Variants in OSBPL8 observed in about 807,000 individuals in gnomAD.
OSBPL8 encodes oxysterol-binding protein-related protein 8.
In OSBPL8, 59 loss-of-function variants were observed where a neutral mutation model predicts 125.5. The observed-to-expected ratio is 0.47, with a 90% CI of 0.38 to 0.58. The LOEUF (loss-of-function observed/expected upper bound fraction) is 0.58, where lower values mean the gene tolerates loss of function less well. Among genes scored for constraint, OSBPL8 ranks in the 20% least tolerant of loss-of-function variants. The pLI, the probability that OSBPL8 is intolerant of heterozygous loss-of-function variation, is 0.00. For missense variants in OSBPL8, 758 were observed against 1,047.8 expected (o/e 0.72, Z 3.82); for synonymous variants, 330 against 338.9 (o/e 0.97, Z 0.29).
chr12:76,550,197 C>CT (rs1389669352), intron 1 of OSBPL8, among the ~76,000 whole-genome samples: 1 of 152,004 alleles, frequency 6.6e-6, no homozygotes, highest in African/African-American at 2.4e-5. Flanking sequence ...TATTCAAAAA[C>CT]TTTTTTAATT....
At chr12:76,480,572 G>A (rs1229124220) in intron 2 of OSBPL8, among the ~76,000 whole-genome samples, 1 of 152,178 alleles carries the variant, frequency 6.6e-6, no homozygotes, top group Non-Finnish European at 1.5e-5. Flanking sequence ...ATTTTAACAT[G>A]AGAAAATAAG....
intron 23 of OSBPL8, 150 bp from the exon 24 acceptor site, chr12:76,356,171 G>GC: frequency 9.7e-6 from 3 of 309,748 alleles, no homozygotes; most frequent in Non-Finnish European, 1.8e-5. Context: ...GTGGGGGGGG[G>GC]CGGGGTCTGG....
intron 1 of OSBPL8, among the ~76,000 whole-genome samples, chr12:76,557,546 C>G (rs1951142915): frequency 6.7e-6 from 1 of 149,122 alleles, no homozygotes; most frequent in African/African-American, 2.5e-5. Flanking sequence ...ACCCAGGTGG[C>G]AGAAGCTGCA....
chr12:76,455,522 C>G (rs192127515), intron 3 of OSBPL8, among the ~76,000 whole-genome samples: 1 of 152,208 alleles, frequency 6.6e-6, no homozygotes, highest in Non-Finnish European at 1.5e-5. Flanking sequence ...TAGCTCTATT[C>G]ACCCTTTCTA....
intron 1 of OSBPL8, among the ~76,000 whole-genome samples, chr12:76,524,041 G>A (rs2137280990): frequency 1.3e-5 from 2 of 152,166 alleles, no homozygotes; most frequent in East Asian, 3.9e-4. Context: ...CAGTATATAA[G>A]TACTATGAAT....
intron 21 of OSBPL8, among the ~76,000 whole-genome samples, chr12:76,368,545 G>C (rs1952505254): frequency 1.3e-5 from 2 of 151,998 alleles, no homozygotes; most frequent in South Asian, 4.2e-4. Flanking sequence ...ACTTGATGGT[G>C]TCCCATGGGT....
chr12:76,460,623 C>T (rs934263237), intron 2 of OSBPL8, among the ~76,000 whole-genome samples: 1 of 152,000 alleles, frequency 6.6e-6, no homozygotes, highest in Non-Finnish European at 1.5e-5. Context: ...AGTCAGAAGA[C>T]CCAACCCTTG....
intron 2 of OSBPL8, among the ~76,000 whole-genome samples, chr12:76,485,168 C>A (rs554138828): frequency 5.9e-5 from 9 of 152,160 alleles, no homozygotes; most frequent in South Asian, 4.2e-4. Context: ...GGTGATCCAC[C>A]CGCCTCAGCC....
chr12:76,458,130 T>A (rs1874283165), intron 3 of OSBPL8, among the ~76,000 whole-genome samples: 1 of 151,648 alleles, frequency 6.6e-6, no homozygotes, highest in Non-Finnish European at 1.5e-5. Context: ...ATAAAAAAAA[T>A]TTAGCTGGGC....
At chr12:76,408,143 TAAAAAAAAAA>T (rs376221340) in intron 5 of OSBPL8, among the ~76,000 whole-genome samples, 2 of 92,030 alleles carry the variant, frequency 2.2e-5, no homozygotes, top group East Asian at 2.9e-4. Flanking sequence ...CCTCATCTCT[TAAAAAAAAAA>T]AAAAAAAAAA....
chr12:76,525,593 G>C (rs1225012273), intron 1 of OSBPL8, among the ~76,000 whole-genome samples: 1 of 151,902 alleles, frequency 6.6e-6, no homozygotes, highest in Non-Finnish European at 1.5e-5. Context: ...TCAAATTGGG[G>C]GGAAAAAACT....
intron 1 of OSBPL8, among the ~76,000 whole-genome samples, chr12:76,493,214 A>G (rs757411416): frequency 1.2e-4 from 18 of 152,216 alleles, no homozygotes; most frequent in Non-Finnish European, 1.2e-4. Flanking sequence ...CCCCAATAAC[A>G]TAATGTGTGT....
chr12:76,413,248 C>T (rs190058543), intron 4 of OSBPL8, among the ~76,000 whole-genome samples: 1 of 152,290 alleles, frequency 6.6e-6, no homozygotes, highest in Admixed American at 6.5e-5. Flanking sequence ...AAGATTCCTC[C>T]TCAGTGCAAT....
At chr12:76,363,831 A>G (rs1362668381) in intron 21 of OSBPL8, among the ~76,000 whole-genome samples, 2 of 152,240 alleles carry the variant, frequency 1.3e-5, no homozygotes, top group African/African-American at 4.8e-5. Flanking sequence ...AACCCCATCA[A>G]AAAGTGGGCA....
chr12:76,383,884 C>T (rs1326427397), intron 15 of OSBPL8, among the ~76,000 whole-genome samples: 5 of 152,096 alleles, frequency 3.3e-5, no homozygotes, highest in Non-Finnish European at 7.4e-5. Context: ...GTATCGTAAC[C>T]ATACTTGGAT....
intron 2 of OSBPL8, among the ~76,000 whole-genome samples, chr12:76,480,113 G>A (rs1877298506): frequency 7.4e-6 from 1 of 135,398 alleles, no homozygotes; most frequent in African/African-American, 2.8e-5. Context: ...GTTGCAGTGA[G>A]CCGAGATCGC....
intron 2 of OSBPL8, among the ~76,000 whole-genome samples, chr12:76,462,328 C>CA (rs1874837942): frequency 6.6e-6 from 1 of 152,066 alleles, no homozygotes; most frequent in Non-Finnish European, 1.5e-5. Flanking sequence ...ATATTTGCTC[C>CA]AAAAATGTCC....
intron 4 of OSBPL8, among the ~76,000 whole-genome samples, chr12:76,446,968 C>T (rs549281068): frequency 3.4e-4 from 52 of 152,252 alleles, no homozygotes; most frequent in African/African-American, 1.2e-3. Context: ...AACAAATACC[C>T]ACACAGCCTA....
intron 1 of OSBPL8, among the ~76,000 whole-genome samples, chr12:76,519,478 C>A (rs1381129780): frequency 1.3e-5 from 2 of 152,194 alleles, no homozygotes; most frequent in Non-Finnish European, 2.9e-5. Flanking sequence ...CACTTCCAAT[C>A]ACAGCCCATT....
Sources: allele counts gnomAD v4.1 joint callset (sites outside exome capture counted in the v4.1 genomes callset), GRCh38; gene constraint gnomAD v4.1.1; transcripts MANE v1.5; gene names NCBI Gene and HGNC (gene_info 2026-07-23, HGNC 2026-07-21).